The following ADARB2 variants were observed in gnomAD, a reference collection of about 807,000 sequenced individuals.
ADARB2 encodes inactive double-stranded RNA-specific editase B2.
In ADARB2, 25 loss-of-function variants were observed where a neutral mutation model predicts 62.2. The ratio of observed to expected loss-of-function variants is 0.40; its 90% CI spans 0.29 to 0.56. The LOEUF is 0.56. Among genes scored for constraint, ADARB2 ranks in the 20% least tolerant of loss-of-function variants. The probability of loss-of-function intolerance (pLI) is 0.43; values close to 1 mark genes in which losing one functional copy is unlikely to be tolerated. For missense variants in ADARB2, 1,071 were observed against 1,077.4 expected, an observed-to-expected ratio of 0.99 and a Z score of 0.08; for synonymous variants, 572 against 500.8, an observed-to-expected ratio of 1.14 and a Z score of -1.90.
intron 3 of ADARB2, among the ~76,000 whole-genome samples, chr10:1,343,145 T>C (rs778444510): frequency 3.3e-5 from 5 of 152,110 alleles, no homozygotes; most frequent in Admixed American, 6.6e-5. Context: ...TTGGAAGTCA[T>C]AGGAAGCCTG....
chr10:1,195,800 T>A (rs1338723960), intron 8 of ADARB2, among the ~76,000 whole-genome samples: 1 of 151,484 alleles, frequency 6.6e-6, no homozygotes, highest in East Asian at 1.9e-4. Context: ...GTGGGGAGAG[T>A]CTGGCATCCT....
intron 3 of ADARB2, among the ~76,000 whole-genome samples, chr10:1,350,376 CGCTCCTCCCCAGGCT>C (rs1220460599): frequency 2.0e-5 from 3 of 152,266 alleles, no homozygotes; most frequent in African/African-American, 7.2e-5. Context: ...CTGACCCCTC[CGCTCCTCCCCAGGCT>C]GCTCCTCGCC....
chr10:1,702,567 T>C (rs1430590915), intron 1 of ADARB2, among the ~76,000 whole-genome samples: 2 of 152,194 alleles, frequency 1.3e-5, no homozygotes, highest in Non-Finnish European at 2.9e-5. Context: ...AAATCCAGAT[T>C]GTCCAAGCGA....
chr10:1,229,878 G>A (rs1830787961), intron 6 of ADARB2, among the ~76,000 whole-genome samples: 1 of 151,848 alleles, frequency 6.6e-6, no homozygotes, highest in African/African-American at 2.4e-5. Context: ...GGGTATATAT[G>A]TGTGAGAAAG....
chr10:1,697,388 C>G (rs1834760868), intron 1 of ADARB2, among the ~76,000 whole-genome samples: 1 of 152,178 alleles, frequency 6.6e-6, no homozygotes, highest in Admixed American at 6.5e-5. Context: ...GTAGTGTGAA[C>G]ATTGACTGAA....
chr10:1,531,344 C>T (rs922249800), intron 1 of ADARB2, among the ~76,000 whole-genome samples: 7 of 152,218 alleles, frequency 4.6e-5, no homozygotes, highest in Non-Finnish European at 8.8e-5. Flanking sequence ...GGCAGCCCTT[C>T]GCGAGAGGCA....
At chr10:1,349,823 T>C (rs7097305) in intron 3 of ADARB2, among the ~76,000 whole-genome samples, 64,428 of 151,892 alleles carry the variant, frequency 0.42, 14,349 homozygotes, top group East Asian at 0.83. Flanking sequence ...TCATCCATGT[T>C]CCACTGATGT....
At chr10:1,199,222 G>A (rs1198913109) in intron 8 of ADARB2, among the ~76,000 whole-genome samples, 1 of 129,412 alleles carries the variant, frequency 7.7e-6, no homozygotes, top group Non-Finnish European at 1.7e-5. Context: ...CCACCCCCCC[G>A]CTTCCCGCTG....
chr10:1,272,904 G>C lies in ADARB2; in HGVS notation c.1078-1835C>G, dbSNP rs113549216. Among the ~76,000 whole-genome samples the C allele has an allele frequency of 9.3e-4, 141 of 152,360 alleles. 1 individual carries two copies. The highest frequency in any genetic ancestry group is 3.3e-3 in the African/African-American group (137 of 41,584). On this transcript the variant is annotated intron_variant, in intron 3 of 9. Transcript: ENST00000381312. ...AGATCTGAGACTGAGGTGTCCAGGG[G>C]CGGTGCTGCCTCCTGAGGCTCTGGG...
In ADARB2 at chr10:1,234,737, C is replaced by CTTTT. The variant is rs71376899; in HGVS notation, c.1362-896_1362-893dup. ...GATTACAGGTGCGAGCGACCATGATCTTTTTTTTTTTTTTTTTTTTTTTTT... is the reference window on the plus strand; with the variant it reads ...GATTACAGGTGCGAGCGACCATGATCTTTTTTTTTTTTTTTTTTTTTTTTTTTTT... On this transcript the variant is annotated intron_variant, in intron 5 of 9. Transcript: ENST00000381312. 5.1e-3 allele frequency among the ~76,000 whole-genome samples: 273 copies of CTTTT among 53,646 alleles called. 29 individuals are homozygous for CTTTT. The highest frequency in any genetic ancestry group is 6.9e-3 in the Non-Finnish European group (210 of 30,500). 35.2% of individuals were successfully genotyped at this position (53,646 alleles called of 152,430 possible).
Position 1,693,869 on chromosome 10 carries a change from T to C in ADARB2, c.100+43182A>G, listed in dbSNP as rs185926601. Reference sequence around the variant, plus strand: ...TTAAATAATCAATTAGGGCATTGTATAGTGTCTCTTGCAGATGGGCAGGCT... The same window carrying C: ...TTAAATAATCAATTAGGGCATTGTACAGTGTCTCTTGCAGATGGGCAGGCT... On this transcript the variant is annotated intron_variant, in intron 1 of 9. Transcript: ENST00000381312. 2.8e-3 allele frequency among the ~76,000 whole-genome samples: 430 copies of C among 152,348 alleles called. 3 individuals carry two copies. Among genetic ancestry groups the C allele is most frequent in the African/African-American group, 9.7e-3 (404 of 41,570 alleles).
intron 1 of ADARB2, among the ~76,000 whole-genome samples, chr10:1,467,861 C>T (rs1366729115): frequency 6.6e-6 from 1 of 152,176 alleles, no homozygotes; most frequent in Non-Finnish European, 1.5e-5. Flanking sequence ...AGCGCTGTGT[C>T]CCTCTTCCTG....
chr10:1,554,783 C>A (rs960232405), intron 1 of ADARB2, among the ~76,000 whole-genome samples: 1 of 152,056 alleles, frequency 6.6e-6, no homozygotes, highest in Admixed American at 6.6e-5. Flanking sequence ...GGTACGTGTG[C>A]AGGTTGTTAC....
At chr10:1,416,576 G>A (rs1259956839) in intron 1 of ADARB2, among the ~76,000 whole-genome samples, 1 of 152,232 alleles carries the variant, frequency 6.6e-6, no homozygotes, top group Non-Finnish European at 1.5e-5. Context: ...GTAACTGGCT[G>A]GGATCCAGGA....
chr10:1,695,879 GAC>G (rs545147567), intron 1 of ADARB2, among the ~76,000 whole-genome samples: 80 of 152,164 alleles, frequency 5.3e-4, no homozygotes, highest in East Asian at 4.1e-3. Flanking sequence ...CATGCATGAG[GAC>G]ACACACATGC....
intron 1 of ADARB2, among the ~76,000 whole-genome samples, chr10:1,505,592 C>T (rs1831835121): frequency 6.6e-6 from 1 of 152,160 alleles, no homozygotes; most frequent in Non-Finnish European, 1.5e-5. Flanking sequence ...TCACCATGCC[C>T]CAGCCAGGCG....
intron 8 of ADARB2, among the ~76,000 whole-genome samples, chr10:1,195,743 C>T (rs1308853708): frequency 6.6e-6 from 1 of 152,092 alleles, no homozygotes. Flanking sequence ...AGGTATGGCT[C>T]ACTGCAGCAG....
intron 1 of ADARB2, among the ~76,000 whole-genome samples, chr10:1,592,068 G>A: frequency 6.6e-6 from 1 of 152,238 alleles, no homozygotes; most frequent in Non-Finnish European, 1.5e-5. Flanking sequence ...TCTCCTGTCA[G>A]GGTGGGATCC....
intron 1 of ADARB2, among the ~76,000 whole-genome samples, chr10:1,615,249 C>T (rs1456450349): frequency 3.9e-5 from 6 of 152,230 alleles, no homozygotes; most frequent in African/African-American, 1.2e-4. Context: ...ACTGCCTGCC[C>T]CACCTTGGAG....
Sources: gnomAD v4.1 joint callset for allele counts (sites outside exome capture counted in the v4.1 genomes callset) on GRCh38, gnomAD v4.1.1 for gene constraint, MANE v1.5 for transcripts, NCBI Gene and HGNC (gene_info 2026-07-23, HGNC 2026-07-21) for gene names.